Variants in MAP3K15 observed in about 807,000 individuals in gnomAD.
The protein encoded by MAP3K15 is mitogen-activated protein kinase kinase kinase 15, also known as MAPK/ERK kinase kinase 15.
Under a neutral mutation model 99.5 loss-of-function variants are expected in MAP3K15, and 124 were observed. The ratio of observed to expected loss-of-function variants is 1.25; its 90% CI spans 1.08 to 1.45. MAP3K15 has a LOEUF of 1.45. Ranked by LOEUF, MAP3K15 falls within the 40% of genes most tolerant of loss-of-function variation. The pLI is 0.00. For missense variants in MAP3K15, 1,242 were observed against 1,079.7 expected (o/e 1.15, Z -2.11); for synonymous variants, 494 against 439.6 (o/e 1.12, Z -1.55).
intron 13 of MAP3K15, among the ~76,000 whole-genome samples, chrX:19,403,658 G>A (rs1162243955): frequency 9.4e-6 from 1 of 106,253 alleles, no homozygotes; most frequent in Middle Eastern, 4.3e-3. Context: ...TGCAGAGACG[G>A]GGTTTTACCA....
rs1414337775 is a variant in MAP3K15, at chrX:19,515,122, C to G, written c.140G>C (p.Gly47Ala). The G allele has an allele frequency of 4.9e-6, 4 of 808,709 alleles. No homozygotes were observed. In the African/African-American group the frequency reaches 9.1e-5, roughly 18 times the overall value. 66.6% of individuals were successfully genotyped at this position (808,709 alleles called of 1,213,427 possible). A position where few individuals can be genotyped will look rare whatever the true frequency, so the allele number is the denominator to read the frequency against. Residue 47 changes from glycine (G) to alanine (A), a missense_variant, in exon 1 of 29, where the codon GGC becomes GCC. Physicochemically the swap from Gly to Ala is moderately conservative, Grantham distance 60. Transcript: ENST00000338883. ...PDGAAEGAAG[G>A]SGEGESGGGP... ...GCCCCCACTCTCGCCCTCGCCGCTG[C>G]CGCCTGCCGCGCCCTCCGCCGCCCC...
chrX:19,436,898 G>C (rs949787498), intron 6 of MAP3K15, among the ~76,000 whole-genome samples: 14 of 111,439 alleles, frequency 1.3e-4, no homozygotes, highest in African/African-American at 4.6e-4. Context: ...GGGTGGTCTT[G>C]AACTCCTGGC....
intron 6 of MAP3K15, among the ~76,000 whole-genome samples, chrX:19,444,836 C>T (rs1174168555): frequency 9.0e-6 from 1 of 111,280 alleles, no homozygotes; most frequent in Admixed American, 9.5e-5. Flanking sequence ...GTGCGAAAGA[C>T]ACACAATGGC....
At position 19,361,432 on chromosome X, in the gene MAP3K15, A is replaced by T. The variant is rs758279534; in HGVS notation, c.3781-17T>A. ...TTCAACAATCTGAAACAAAGATCAGATCCTTAAGAGCTGAGCAGCTGTGTA... is the reference window on the plus strand; with the variant it reads ...TTCAACAATCTGAAACAAAGATCAGTTCCTTAAGAGCTGAGCAGCTGTGTA... On this transcript the variant is annotated splice_polypyrimidine_tract_variant and intron_variant, in intron 27 of 28. Transcript: ENST00000338883. The T allele has an allele frequency of 1.7e-5, 20 of 1,193,414 alleles. No homozygotes were observed. Among genetic ancestry groups the T allele is most frequent in the Non-Finnish European group, 2.3e-5 (20 of 880,239 alleles).
chrX:19,500,229 AGAGT>A (rs780948065), intron 1 of MAP3K15, among the ~76,000 whole-genome samples: 1 of 111,972 alleles, frequency 8.9e-6, no homozygotes, highest in Non-Finnish European at 1.9e-5. Flanking sequence ...CCTGGGTGAC[AGAGT>A]GAGACTCCAT....
chrX:19,426,420 C>A, intron 7 of MAP3K15, 77 bp from the exon 8 acceptor site: 1 of 599,784 alleles, frequency 1.7e-6, no homozygotes, highest in African/African-American at 2.3e-5. Context: ...CCAACTTTCT[C>A]ATGAAAAGTT....
chrX:19,415,048 A>G (rs1602287067), intron 10 of MAP3K15, 59 bp downstream of exon 10: 1 of 1,005,069 alleles, frequency 9.9e-7, no homozygotes, highest in East Asian at 3.3e-5. Context: ...ATAGTTAAAT[A>G]GCACCAATCC....
chrX:19,475,392 C>T (rs1409342308), intron 3 of MAP3K15, among the ~76,000 whole-genome samples: 2 of 111,416 alleles, frequency 1.8e-5, no homozygotes, highest in Non-Finnish European at 3.8e-5. Context: ...TCACCTCCTG[C>T]TGTGCGGCCC....
chrX:19,400,427 T>G, intron 14 of MAP3K15, 149 bp downstream of exon 14: 1 of 393,077 alleles, frequency 2.5e-6, no homozygotes, highest in Non-Finnish European at 4.4e-6. Context: ...GGAGACACAT[T>G]CAACATTATC....
In MAP3K15 at chrX:19,395,800, G is replaced by A. The variant is rs1183107280; in HGVS notation, c.2067-592C>T. Among the ~76,000 whole-genome samples, 29 of 111,800 alleles carry A rather than the reference G, an allele frequency of 2.6e-4. No individual in the cohort carries two copies. The Admixed American group carries it at 2.8e-3, about 11-fold the overall frequency. On this transcript the variant is annotated intron_variant, in intron 15 of 28. Transcript: ENST00000338883. ...CCATGCTATTTAATGTCACATACAA[G>A]GACTTTCAAAGATCAGTTCAGGCTA...
At chrX:19,489,997 C>G (rs2064356772) in intron 1 of MAP3K15, among the ~76,000 whole-genome samples, 1 of 111,009 alleles carries the variant, frequency 9.0e-6, no homozygotes, top group Admixed American at 9.6e-5. Context: ...GATCGTGCCA[C>G]TGCACTCCAG....
At chrX:19,429,634 T>C (rs1044423435) in intron 7 of MAP3K15, among the ~76,000 whole-genome samples, 13 of 109,120 alleles carry the variant, frequency 1.2e-4, no homozygotes, top group Non-Finnish European at 1.9e-5. Flanking sequence ...AGGCCATCAC[T>C]TAGGATGTTG....
In MAP3K15 at chrX:19,360,687, C is replaced by T; in HGVS notation, c.*62G>A. On this transcript the variant is annotated 3_prime_UTR_variant, in exon 29 of 29. Coordinates refer to ENST00000338883, the MANE Select transcript of MAP3K15 (RefSeq NM_001001671.4). ...ACAGCGGAATTCGTGTATACACTAA[C>T]AGAAGCTTTAACAAAACATGTAGCG... is the stretch of plus-strand genomic sequence containing the variant. 1 of 897,696 alleles carries T rather than the reference C, an allele frequency of 1.1e-6. No homozygotes were observed. The highest frequency in any genetic ancestry group is 1.6e-6 in the Non-Finnish European group (1 of 617,211). 74.0% of individuals were successfully genotyped at this position (897,696 alleles called of 1,213,427 possible). A position where few individuals can be genotyped will look rare whatever the true frequency, so the allele number is the denominator to read the frequency against.
intron 9 of MAP3K15, among the ~76,000 whole-genome samples, chrX:19,421,931 A>G (rs2063790668): frequency 9.1e-6 from 1 of 110,430 alleles, no homozygotes; most frequent in Non-Finnish European, 1.9e-5. Flanking sequence ...CAATGGGGAA[A>G]GGAGTCCCTA....
intron 19 of MAP3K15, among the ~76,000 whole-genome samples, chrX:19,375,597 T>G (rs1186243615): frequency 8.9e-6 from 1 of 112,159 alleles, no homozygotes; most frequent in Non-Finnish European, 1.9e-5. Flanking sequence ...AGTTTCACAG[T>G]CCACCCTGTG....
chrX:19,398,195 C>T (rs1292746372), intron 15 of MAP3K15, 31 bp downstream of exon 15: 5 of 1,207,472 alleles, frequency 4.1e-6, no homozygotes, highest in Non-Finnish European at 5.6e-6. Flanking sequence ...GGAGACGGCA[C>T]CCGAAATGCG....
chrX:19,514,776 GAGGGGGAGGGGAGGGGGA>G, intron 1 of MAP3K15, 107 bp downstream of exon 1: 2 of 49,049 alleles, frequency 4.1e-5, no homozygotes, highest in Non-Finnish European at 7.1e-5. Flanking sequence ...GGAGGGGGAC[GAGGGGGAGGGGAGGGGGA>G]CGAGGGGGAG....
At chrX:19,369,315 G>T in intron 24 of MAP3K15, 96 bp from the exon 25 acceptor site, 2 of 984,126 alleles carry the variant, frequency 2.0e-6, no homozygotes, top group Non-Finnish European at 2.9e-6. Flanking sequence ...CTGTTCAGAA[G>T]CTGGCCCAGC....
In MAP3K15 at chrX:19,360,155, C is replaced by CATAACTTAGTTTTCTCTACT. The variant is rs1241268443; in HGVS notation, c.*574_*593dup. On this transcript the variant is annotated 3_prime_UTR_variant, in exon 29 of 29. Coordinates refer to ENST00000338883, the MANE Select transcript of MAP3K15 (RefSeq NM_001001671.4). The stretch of plus-strand genomic sequence containing the variant: ...AATTTTGTAATCATTTCAAAGGCCA[C>CATAACTTAGTTTTCTCTACT]ATAACTTAGTTTTCTCTACTTACAC... The CATAACTTAGTTTTCTCTACT allele has an allele frequency of 6.6e-6, 1 of 152,483 alleles. No individual in the cohort carries two copies. The highest frequency in any genetic ancestry group is 3.1e-5 in the African/African-American group (1 of 31,765). The allele number at this position is 152,483 out of a possible 1,213,427, so 12.6% of individuals were successfully genotyped here.
Sources: gnomAD v4.1 joint callset for allele counts (sites outside exome capture counted in the v4.1 genomes callset) on GRCh38, gnomAD v4.1.1 for gene constraint, MANE v1.5 for transcripts, NCBI Gene and HGNC (gene_info 2026-07-23, HGNC 2026-07-21) for gene names.